Variants in CCDC61 observed in about 807,000 individuals in gnomAD.
CCDC61 encodes coiled-coil domain containing 61.
CCDC61 carries 55 observed loss-of-function variants against 63.0 expected under a neutral mutation model. The ratio of observed to expected loss-of-function variants is 0.87; its 90% confidence interval spans 0.70 to 1.09. The LOEUF is 1.09. CCDC61 is among the 50% of genes least tolerant of loss of function. The probability of loss-of-function intolerance (pLI) is 0.00; values close to 1 mark genes in which losing one functional copy is unlikely to be tolerated. For missense variants in CCDC61, 651 were observed against 731.4 expected (o/e 0.89, Z 1.27); for synonymous variants, 270 against 317.0 (o/e 0.85, Z 1.58).
At chr19:46,017,517 G>A (rs938497384) in intron 12 of CCDC61, among the ~76,000 whole-genome samples, 14 of 151,762 alleles carry the variant, frequency 9.2e-5, no homozygotes, top group Admixed American at 2.0e-4. Context: ...CTCCCACCTC[G>A]GCCTATGGAG....
chr19:46,016,536 T>C lies in CCDC61; in HGVS notation c.1091+143T>C. 1 of 1,376,582 alleles carries C rather than the reference T, an allele frequency of 7.3e-7. No individual in the cohort carries two copies. 85.3% of individuals were successfully genotyped at this position (1,376,582 alleles called of 1,614,324 possible). A position where few individuals can be genotyped will look rare whatever the true frequency, so the allele number is the denominator to read the frequency against. On this transcript the variant is annotated intron_variant, in intron 9 of 13. Transcript: ENST00000595358. The surrounding 1 kb of genome is among the most constrained non-coding windows in gnomAD (Gnocchi z 7.2). ...GATACCCCGCCTGCTCTCCCTTCCG[T>C]CCGTCCTACCTCCTCGTCTGTGTTT...
intron 1 of CCDC61, among the ~76,000 whole-genome samples, chr19:45,998,239 C>T (rs940858439): frequency 6.6e-6 from 1 of 152,152 alleles, no homozygotes; most frequent in African/African-American, 2.4e-5. Flanking sequence ...GATTGTGGCG[C>T]CCAAGGGCAG....
At chr19:46,013,758 T>C (rs954097933) in intron 5 of CCDC61, among the ~76,000 whole-genome samples, 2 of 151,664 alleles carry the variant, frequency 1.3e-5, no homozygotes, top group Non-Finnish European at 2.9e-5. Context: ...TCCTAGCTAC[T>C]TGGGGGCTGA....
Position 46,015,343 on chromosome 19 carries a change from AGCTC to A in CCDC61, c.763_766del (p.Leu255ArgfsTer14), listed in dbSNP as rs1968907428. On this transcript the variant is annotated splice_acceptor_variant and coding_sequence_variant, in exon 7 of 14. Coordinates refer to ENST00000595358, the MANE Select transcript of CCDC61 (RefSeq NM_001267723.2). LOFTEE classifies it high-confidence loss of function. This position sits in a 1 kb window ranked among gnomAD's most constrained non-coding sequence, Gnocchi z 5.3. The stretch of plus-strand genomic sequence containing the variant: ...CTCCGCGCCCCTCTCCCCTCCCGGC[AGCTC>A]GAGGAGGCGAAGGCATCGGAGCGGA... 6.2e-7 allele frequency: 1 copy of A among 1,600,006 alleles called. No homozygotes were observed. The highest frequency in any genetic ancestry group is 1.3e-5 in the African/African-American group (1 of 74,714).
intron 5 of CCDC61, among the ~76,000 whole-genome samples, chr19:46,011,454 T>C (rs745774648): frequency 1.3e-5 from 2 of 152,362 alleles, no homozygotes; most frequent in South Asian, 2.1e-4. Context: ...TTTTGCAGTC[T>C]AGATTTTGCT....
chr19:46,004,387 C>T (rs922378177), intron 3 of CCDC61, among the ~76,000 whole-genome samples: 1 of 152,190 alleles, frequency 6.6e-6, no homozygotes, highest in African/African-American at 2.4e-5. Flanking sequence ...GAACAACAGA[C>T]AAAACCCCTG....
chr19:45,997,815 T>G (rs1191125338), intron 1 of CCDC61, among the ~76,000 whole-genome samples: 1 of 152,172 alleles, frequency 6.6e-6, no homozygotes, highest in Non-Finnish European at 1.5e-5. Flanking sequence ...GCCTCCCAAG[T>G]AGCTGGAACT....
chr19:46,004,835 CTTTTTTTTTT>C (rs748867869), intron 3 of CCDC61, among the ~76,000 whole-genome samples: 17 of 95,246 alleles, frequency 1.8e-4, no homozygotes, highest in Admixed American at 4.5e-4. Context: ...ATTTAGATAT[CTTTTTTTTTT>C]TTTTTTTTTT....
Position 45,995,559 on chromosome 19 carries a change from A to C in CCDC61, c.-12+55A>C, listed in dbSNP as rs1600635507. The C allele has an allele frequency of 1.2e-5, 5 of 427,576 alleles. No homozygotes were observed. The East Asian group carries it at 2.2e-4, about 19-fold the overall frequency. The allele number at this position is 427,576 out of a possible 1,614,324, so 26.5% of individuals were successfully genotyped here. On this transcript the variant is annotated intron_variant, in intron 1 of 13. Coordinates refer to ENST00000595358, the MANE Select transcript of CCDC61 (RefSeq NM_001267723.2). ...GGGCCGTGGTGGAGGTCTTAGGTGGAGGGGAAGGGGCTTCTCTCGGGGGAG... is the reference window on the plus strand; with the variant it reads ...GGGCCGTGGTGGAGGTCTTAGGTGGCGGGGAAGGGGCTTCTCTCGGGGGAG...
Position 46,016,500 on chromosome 19 carries a change from G to T in CCDC61, c.1091+107G>T. The T allele has an allele frequency of 7.0e-7, 1 of 1,429,018 alleles. No individual in the cohort carries two copies. The highest frequency in any genetic ancestry group is 2.4e-5 in the East Asian group (1 of 42,368). The allele number at this position is 1,429,018 out of a possible 1,614,324, so 88.5% of individuals were successfully genotyped here. ...AGTCTCCATCCCCTGCCACCTGCTC[G>T]CTTCTCGCCGGATACCCCGCCTGCT... On this transcript the variant is annotated intron_variant, in intron 9 of 13. Transcript: ENST00000595358. This position sits in a 1 kb window ranked among gnomAD's most constrained non-coding sequence, Gnocchi z 7.2.
rs758176669 is a variant in CCDC61 at position 46,018,398 on chromosome 19, G to T, written c.*11G>T. 3 of 1,555,050 alleles carry T rather than the reference G, an allele frequency of 1.9e-6. No homozygotes were observed. In the South Asian group the frequency reaches 3.6e-5, roughly 18 times the overall value. ...GACATGCGGTCATAACGTGGAGAAG[G>T]GGTACTACCCCTCCATCCCCCACCC... On this transcript the variant is annotated 3_prime_UTR_variant, in exon 14 of 14. Coordinates refer to ENST00000595358, the MANE Select transcript of CCDC61 (RefSeq NM_001267723.2). This position sits in a 1 kb window ranked among gnomAD's most constrained non-coding sequence, Gnocchi z 4.2.
chr19:46,016,963 A>C lies in CCDC61; in HGVS notation c.1232-28A>C, dbSNP rs151196475. 1.3e-6 allele frequency: 2 copies of C among 1,596,688 alleles called. No individual in the cohort carries two copies. Among genetic ancestry groups the C allele is most frequent in the African/African-American group, 1.3e-5 (1 of 74,660 alleles). Reference sequence around the variant, plus strand: ...GCACTGGGCGGGGCCAGCGAGGGCCAGCGGTCACGCCCTCCGTCTCCCTCT... The same window carrying C: ...GCACTGGGCGGGGCCAGCGAGGGCCCGCGGTCACGCCCTCCGTCTCCCTCT... On this transcript the variant is annotated intron_variant, in intron 10 of 13. Transcript: ENST00000595358. This position sits in a 1 kb window ranked among gnomAD's most constrained non-coding sequence, Gnocchi z 7.2.
intron 5 of CCDC61, among the ~76,000 whole-genome samples, chr19:46,011,743 A>G (rs1968832335): frequency 2.0e-5 from 3 of 152,108 alleles, no homozygotes; most frequent in Non-Finnish European, 4.4e-5. Context: ...CTGGATATGC[A>G]CTCAAATTGC....
intron 5 of CCDC61, among the ~76,000 whole-genome samples, chr19:46,013,017 A>ATTTT (rs547379016): frequency 3.5e-5 from 5 of 144,574 alleles, no homozygotes; most frequent in Non-Finnish European, 7.6e-5. Context: ...ATGCCAAGCT[A>ATTTT]TTTTTTTTTT....
chr19:46,005,425 TA>T (rs556423804), intron 3 of CCDC61, among the ~76,000 whole-genome samples: 67 of 152,352 alleles, frequency 4.4e-4, no homozygotes, highest in African/African-American at 1.5e-3. Flanking sequence ...TTTGTATGGA[TA>T]TTTTTTTACC....
Position 46,016,277 on chromosome 19 carries a change from C to A in CCDC61, c.1016-41C>A. On this transcript the variant is annotated intron_variant, in intron 8 of 13. Coordinates refer to ENST00000595358, the MANE Select transcript of CCDC61 (RefSeq NM_001267723.2). The surrounding 1 kb of genome is among the most constrained non-coding windows in gnomAD (Gnocchi z 7.2). ...GGGACGCACTGGCGCTGCCAAGGCC[C>A]GTCTCCGGACCTAGCCGCCTCCTCT... is the stretch of plus-strand genomic sequence containing the variant. The A allele has an allele frequency of 6.2e-7, 1 of 1,609,652 alleles. No homozygotes were observed. The highest frequency in any genetic ancestry group is 8.5e-7 in the Non-Finnish European group (1 of 1,177,756).
At chr19:46,017,639 A>G (rs1568698930) in intron 12 of CCDC61, among the ~76,000 whole-genome samples, 1 of 152,108 alleles carries the variant, frequency 6.6e-6, no homozygotes, top group Non-Finnish European at 1.5e-5. Flanking sequence ...GCCTCAAGCC[A>G]TCCTCAGCCT....
chr19:46,006,989 T>C (rs767312565), intron 4 of CCDC61, among the ~76,000 whole-genome samples: 5 of 152,062 alleles, frequency 3.3e-5, no homozygotes, highest in Non-Finnish European at 5.9e-5. Flanking sequence ...TGTTTAACAG[T>C]TCCACTAGGG....
At chr19:46,009,837 T>C (rs1010694) in intron 5 of CCDC61, among the ~76,000 whole-genome samples, 57,618 of 151,010 alleles carry the variant, frequency 0.38, 13,042 homozygotes, top group South Asian at 0.56. Context: ...TGTGTGTGTG[T>C]GCGCGCGCGT....
Sources: allele counts gnomAD v4.1 joint callset (sites outside exome capture counted in the v4.1 genomes callset), GRCh38; gene constraint gnomAD v4.1.1; non-coding constraint Gnocchi (gnomAD v3.1); transcripts MANE v1.5; gene names NCBI Gene and HGNC (gene_info 2026-07-23, HGNC 2026-07-21).